Variants in KIF18A observed in about 807,000 individuals in gnomAD.
KIF18A encodes kinesin family member 18A.
KIF18A carries 67 observed loss-of-function variants against 103.3 expected under a neutral mutation model. That is an observed-to-expected ratio of 0.65 (90% confidence interval 0.53 to 0.79). The LOEUF (loss-of-function observed/expected upper bound fraction) is 0.79, where lower values mean the gene tolerates loss of function less well. Among genes scored for constraint, KIF18A ranks in the 30% least tolerant of loss-of-function variants. KIF18A has a pLI of 0.00. For missense variants in KIF18A, 1,032 were observed against 1,062.5 expected (o/e 0.97, Z 0.40); for synonymous variants, 367 against 355.5 (o/e 1.03, Z -0.36).
intron 15 of KIF18A, among the ~76,000 whole-genome samples, chr11:28,029,667 A>G (rs1019564582): frequency 2.6e-5 from 4 of 151,984 alleles, no homozygotes. Context: ...ATAGTGTGGG[A>G]AGTTCTGGCC....
chr11:28,063,424 A>G (rs1850880207), intron 11 of KIF18A, among the ~76,000 whole-genome samples: 1 of 152,058 alleles, frequency 6.6e-6, no homozygotes, highest in South Asian at 2.1e-4. Context: ...CTTCTTTTAA[A>G]GAGACAAGAC....
chr11:28,038,237 A>G (rs1380236969), intron 13 of KIF18A, among the ~76,000 whole-genome samples: 1 of 151,676 alleles, frequency 6.6e-6, no homozygotes, highest in Non-Finnish European at 1.5e-5. Flanking sequence ...TACTAGATTT[A>G]GTATTTAATG....
chr11:28,098,079 A>T, intron 1 of KIF18A, 86 bp from the exon 2 acceptor site: 1 of 683,676 alleles, frequency 1.5e-6, no homozygotes, highest in Non-Finnish European at 2.4e-6. Flanking sequence ...TTCAAAAAAG[A>T]TGTTAATAAT....
intron 10 of KIF18A, among the ~76,000 whole-genome samples, 155 bp from the exon 11 acceptor site, chr11:28,069,578 G>C (rs1850983330): frequency 6.6e-6 from 1 of 152,008 alleles, no homozygotes; most frequent in South Asian, 2.1e-4. Context: ...TGAAATCTCA[G>C]AATACTACTG....
intron 10 of KIF18A, among the ~76,000 whole-genome samples, chr11:28,071,286 C>G (rs1231054294): frequency 6.6e-6 from 1 of 151,998 alleles, no homozygotes; most frequent in Non-Finnish European, 1.5e-5. Flanking sequence ...TGTGTAACAT[C>G]ACAACAGAAT....
At chr11:28,044,386 AC>A (rs1850602064) in intron 13 of KIF18A, among the ~76,000 whole-genome samples, 1 of 152,112 alleles carries the variant, frequency 6.6e-6, no homozygotes, top group Non-Finnish European at 1.5e-5. Flanking sequence ...CCCCAGATTG[AC>A]TAGTTTTCTG....
At chr11:28,081,283 T>G (rs1021058512) in intron 9 of KIF18A, among the ~76,000 whole-genome samples, 1 of 152,122 alleles carries the variant, frequency 6.6e-6, no homozygotes, top group Non-Finnish European at 1.5e-5. Context: ...AGCTTTTAAT[T>G]GGAACAATAT....
intron 1 of KIF18A, among the ~76,000 whole-genome samples, chr11:28,099,031 C>T (rs112812294): frequency 6.6e-6 from 1 of 152,068 alleles, no homozygotes. Context: ...GAGATATTTG[C>T]CCTGCCATGT....
At chr11:28,046,602 C>T (rs1212260405) in intron 13 of KIF18A, among the ~76,000 whole-genome samples, 21 of 138,508 alleles carry the variant, frequency 1.5e-4, no homozygotes, top group Non-Finnish European at 2.9e-4. Context: ...TGCTAGATGA[C>T]GAGTTAGTGG....
intron 2 of KIF18A, 25 bp downstream of exon 2, chr11:28,097,598 T>C: frequency 1.4e-6 from 2 of 1,447,130 alleles, no homozygotes; most frequent in Non-Finnish European, 1.9e-6. Flanking sequence ...GATAGAGAAA[T>C]TAAATCCCAA....
chr11:28,090,526 T>G (rs1184468491), intron 5 of KIF18A, 91 bp downstream of exon 5: 1 of 769,572 alleles, frequency 1.3e-6, no homozygotes, highest in Non-Finnish European at 2.2e-6. Flanking sequence ...ACAGACAGAT[T>G]TTTTTCACAT....
intron 13 of KIF18A, among the ~76,000 whole-genome samples, chr11:28,046,617 A>T (rs1269803157): frequency 6.9e-6 from 1 of 144,812 alleles, no homozygotes; most frequent in Non-Finnish European, 1.5e-5. Flanking sequence ...TAGTGGGTGC[A>T]GCGCACCAGC....
chr11:28,051,363 T>C (rs897457082), intron 13 of KIF18A, among the ~76,000 whole-genome samples: 2 of 151,726 alleles, frequency 1.3e-5, no homozygotes. Context: ...AGAGTAGAAA[T>C]TGAGTAAACA....
At chr11:28,030,479 T>C (rs1850381964) in intron 15 of KIF18A, among the ~76,000 whole-genome samples, 3 of 152,280 alleles carry the variant, frequency 2.0e-5, no homozygotes, top group Admixed American at 2.0e-4. Context: ...GCTAGCCATA[T>C]GTAGAAAGCT....
At chr11:28,041,511 G>A (rs760080280) in intron 13 of KIF18A, among the ~76,000 whole-genome samples, 1 of 151,806 alleles carries the variant, frequency 6.6e-6, no homozygotes, top group Non-Finnish European at 1.5e-5. Context: ...AGAGGCTAGA[G>A]AGATCAAAAG....
chr11:28,090,521 C>T, intron 5 of KIF18A, 96 bp downstream of exon 5: 1 of 732,552 alleles, frequency 1.4e-6, no homozygotes, highest in South Asian at 1.8e-5. Flanking sequence ...AGTCTACAGA[C>T]AGATTTTTTT....
In KIF18A at chr11:28,036,445, A is replaced by G. The variant is rs142656842; in HGVS notation, c.2168T>C (p.Met723Thr). 450 of 1,610,808 alleles carry G rather than the reference A, an allele frequency of 2.8e-4. No homozygotes were observed. The highest frequency in any genetic ancestry group is 2.9e-4 in the Non-Finnish European group (342 of 1,177,914). ...AFQNPSTVTL[M>T]KPSSFTTSFQ... ...ACTTGTAGTAAATGATGATGGTTTC[A>G]TTAAGGTTACTGTAGACGGATTTTG... The change falls in exon 14 of 17, where the codon ATG (methionine) becomes ACG (threonine). Residue 723 changes from methionine (M) to threonine (T), a missense_variant. Transcript: ENST00000263181.
In KIF18A at chr11:28,021,232, C is replaced by A. The variant is rs865942140; in HGVS notation, c.2665G>T (p.Gly889Ter). 1 of 1,498,978 alleles carries A rather than the reference C, an allele frequency of 6.7e-7. No homozygotes were observed. The highest frequency in any genetic ancestry group is 1.3e-5 in the South Asian group (1 of 77,062). The allele number at this position is 1,498,978 out of a possible 1,614,324, so 92.9% of individuals were successfully genotyped here. A position where few individuals can be genotyped will look rare whatever the true frequency, so the allele number is the denominator to read the frequency against. The change falls in exon 17 of 17, where the codon GGA (glycine) becomes TGA (stop). Residue 889 changes from glycine (G) to a stop codon, truncating the protein, a stop_gained. Coordinates refer to ENST00000263181, the MANE Select transcript of KIF18A (RefSeq NM_031217.4). LOFTEE classifies it high-confidence loss of function. ...AGATTTCCTTTTGAAATATTTCTTC[C>A]AAATTTTCTAACCATGCTTGGATTT... Reference protein sequence around the residue: ...KINPSMVRKFGRNISKGNLR With the variant: ...KINPSMVRKF
chr11:28,104,525 G>A (rs1318593977), intron 1 of KIF18A, among the ~76,000 whole-genome samples: 2 of 152,080 alleles, frequency 1.3e-5, no homozygotes, highest in Non-Finnish European at 2.9e-5. Flanking sequence ...CTCTTCAAAT[G>A]CCACTTTACA....
Sources: allele counts gnomAD v4.1 joint callset (sites outside exome capture counted in the v4.1 genomes callset), GRCh38; gene constraint gnomAD v4.1.1; transcripts MANE v1.5; gene names NCBI Gene and HGNC (gene_info 2026-07-23, HGNC 2026-07-21).